The following FAM107A variants were observed in gnomAD, a reference collection of about 807,000 sequenced individuals.
FAM107A encodes the protein family with sequence similarity 107 member A.
In FAM107A, 19 loss-of-function variants were observed where a neutral mutation model predicts 13.7. The ratio of observed to expected loss-of-function variants is 1.38; its 90% CI spans 0.97 to 2.03. The LOEUF is 2.03. Among genes scored for constraint, FAM107A ranks in the 30% most tolerant of loss-of-function variants. The pLI is 0.00. For synonymous variants in FAM107A, 82 were observed against 74.5 expected, an observed-to-expected ratio of 1.10 and a Z score of -0.52; for missense variants, 203 against 184.4, an observed-to-expected ratio of 1.10 and a Z score of -0.58.
At chr3:58,580,584 T>A (rs1276177130), upstream of FAM107A, among the ~76,000 whole-genome samples, 1 of 151,838 alleles carries the variant, frequency 6.6e-6, no homozygotes, top group Non-Finnish European at 1.5e-5. Flanking sequence ...CCAGCTAATT[T>A]TTTATTTTTT....
rs758415230 is a variant in FAM107A, at chr3:58,569,819, G to A, written c.42C>T (p.Gly14=). 14 of 1,613,990 alleles carry A rather than the reference G, an allele frequency of 8.7e-6. No homozygotes were observed. In the South Asian group the frequency reaches 1.4e-4, roughly 16 times the overall value. Residue 14 remains glycine (G), a synonymous_variant, in exon 2 of 4, where the codon GGC becomes GGT. Coordinates refer to ENST00000360997, the MANE Select transcript of FAM107A (RefSeq NM_001076778.3). This position sits in a 1 kb window ranked among gnomAD's most constrained non-coding sequence, Gnocchi z 5.7. ...CTCTGTATTCTGGCCGGGCCATCAG[G>A]CCCCCAATGTCTGCCCGCTCCCTCT... The part of the protein sequence containing the change: ...EIQRERADIG[G]LMARPEYREW...
At chr3:58,593,944 AC>A (rs2108066676) in intron 1 of FAM107A, among the ~76,000 whole-genome samples, 1 of 152,012 alleles carries the variant, frequency 6.6e-6, no homozygotes, top group South Asian at 2.1e-4. Flanking sequence ...TACTTACGGC[AC>A]CTTTCTCCTT....
chr3:58,626,568 C>A (rs527705689), intron 1 of FAM107A, among the ~76,000 whole-genome samples: 1 of 152,272 alleles, frequency 6.6e-6, no homozygotes, highest in South Asian at 2.1e-4. Context: ...AATAACTTGC[C>A]TATTGCCCTA....
chr3:58,620,387 G>C (rs1364983130), intron 1 of FAM107A, among the ~76,000 whole-genome samples: 1 of 152,198 alleles, frequency 6.6e-6, no homozygotes, highest in Admixed American at 6.5e-5. Context: ...ATGCACATGC[G>C]GTTCTGAGAC....
Position 58,569,739 on chromosome 3 carries a change from G to T in FAM107A, c.122C>A (p.Ser41Tyr). ...PKKLLNPVKA[S>Y]RSHQELHREL... ...CCGGTGGAGCTCCTGGTGACTCCGAGAGGCCTTCACGGGGTTCAGCAGCTT... is the reference window on the plus strand; with the variant it reads ...CCGGTGGAGCTCCTGGTGACTCCGATAGGCCTTCACGGGGTTCAGCAGCTT... The change falls in exon 2 of 4, where the codon TCT (serine) becomes TAT (tyrosine). Residue 41 changes from serine to tyrosine, a missense_variant. By Grantham distance (144) the Ser-to-Tyr change is moderately radical. Transcript: ENST00000360997. The surrounding 1 kb of genome is among the most constrained non-coding windows in gnomAD (Gnocchi z 5.7). The T allele has an allele frequency of 6.2e-7, 1 of 1,614,084 alleles. No individual in the cohort carries two copies.
rs541565646 is a variant in FAM107A at position 58,617,958 on chromosome 3, C to G, written c.-70+9458G>C. Reference sequence around the variant, plus strand: ...CCAAGTTCAAGTCCCAGCTCTGGCACTTGTTGGCTCTGTGATCTTGAGACG... The same window carrying G: ...CCAAGTTCAAGTCCCAGCTCTGGCAGTTGTTGGCTCTGTGATCTTGAGACG... On this transcript the variant is annotated intron_variant, in intron 1 of 3. Transcript: ENST00000465970. The surrounding 1 kb of genome is among the most constrained non-coding windows in gnomAD (Gnocchi z 4.5). 7.9e-4 allele frequency among the ~76,000 whole-genome samples: 121 copies of G among 152,296 alleles called. No homozygotes were observed. The highest frequency in any genetic ancestry group is 1.6e-3 in the Non-Finnish European group (107 of 68,034).
intron 1 of FAM107A, among the ~76,000 whole-genome samples, chr3:58,576,138 G>A (rs2063728863): frequency 6.6e-6 from 1 of 152,218 alleles, no homozygotes; most frequent in Non-Finnish European, 1.5e-5. Context: ...AAAGAACAGT[G>A]TATCTCGGAG....
chr3:58,615,373 CCTT>C (rs55906812), intron 1 of FAM107A, among the ~76,000 whole-genome samples: 50,588 of 151,834 alleles, frequency 0.33, 9,040 homozygotes, highest in East Asian at 0.46. Flanking sequence ...AAAACTATAA[CCTT>C]CTTCTTAAGG....
At chr3:58,602,533 T>C (rs1000237139) in intron 1 of FAM107A, among the ~76,000 whole-genome samples, 1 of 152,174 alleles carries the variant, frequency 6.6e-6, no homozygotes, top group African/African-American at 2.4e-5. Flanking sequence ...TTCAAGATAA[T>C]AAAAAGATCG....
chr3:58,612,504 A>G (rs2065864172), intron 1 of FAM107A, among the ~76,000 whole-genome samples: 1 of 151,414 alleles, frequency 6.6e-6, no homozygotes, highest in Non-Finnish European at 1.5e-5. Flanking sequence ...CACTTGAGCC[A>G]GGGAGGTCGA....
chr3:58,626,994 T>A, intron 1 of FAM107A: 1 of 1,536,016 alleles, frequency 6.5e-7, no homozygotes, highest in Non-Finnish European at 8.7e-7. Flanking sequence ...GCTGCTCCCA[T>A]GGCACGAAGT....
chr3:58,566,417 G>C lies in FAM107A; in HGVS notation c.*171C>G, dbSNP rs1405388578. 6.8e-6 allele frequency: 4 copies of C among 586,312 alleles called. No homozygotes were observed. The highest frequency in any genetic ancestry group is 1.2e-5 in the Non-Finnish European group (4 of 334,234). 36.3% of individuals were successfully genotyped at this position (586,312 alleles called of 1,614,324 possible). On this transcript the variant is annotated 3_prime_UTR_variant, in exon 4 of 4. Coordinates refer to ENST00000360997, the MANE Select transcript of FAM107A (RefSeq NM_001076778.3). Reference sequence around the variant, plus strand: ...GGAAGGAAAACCTAGGAGCTTAGGGGCCCCAGCCTCCCAGGGAGAGCCAGG... The same window carrying C: ...GGAAGGAAAACCTAGGAGCTTAGGGCCCCCAGCCTCCCAGGGAGAGCCAGG...
chr3:58,564,304 G>C lies in FAM107A; in HGVS notation c.*2284C>G, dbSNP rs1343623681. 6.6e-6 allele frequency: 1 copy of C among 152,252 alleles called. No individual in the cohort carries two copies. The highest frequency in any genetic ancestry group is 1.5e-5 in the Non-Finnish European group (1 of 68,064). The allele number at this position is 152,252 out of a possible 1,614,324, so 9.4% of individuals were successfully genotyped here. A position where few individuals can be genotyped will look rare whatever the true frequency, so the allele number is the denominator to read the frequency against. On this transcript the variant is annotated 3_prime_UTR_variant, in exon 4 of 4. Coordinates refer to ENST00000360997, the MANE Select transcript of FAM107A (RefSeq NM_001076778.3). This position sits in a 1 kb window ranked among gnomAD's most constrained non-coding sequence, Gnocchi z 5.6. ...AATCAAGGTAGGAAGAAGAGGCCCA[G>C]GGAGGTGTTAGCCATGCCTGTGTCT...
chr3:58,591,800 T>C (rs2065656735), upstream of FAM107A, among the ~76,000 whole-genome samples: 1 of 152,202 alleles, frequency 6.6e-6, no homozygotes, highest in Non-Finnish European at 1.5e-5. This position sits in a 1 kb window ranked among gnomAD's most constrained non-coding sequence, Gnocchi z 4.3. Context: ...GAAGAGGGAT[T>C]GGGTTCTATT....
intron 1 of FAM107A, among the ~76,000 whole-genome samples, chr3:58,583,045 T>C (rs2065565885): frequency 6.6e-6 from 1 of 152,104 alleles, no homozygotes; most frequent in Non-Finnish European, 1.5e-5. Context: ...GTGATCCACC[T>C]GCCTTGGCCT....
chr3:58,604,799 T>C lies in FAM107A; in HGVS notation c.-69-15530A>G, dbSNP rs1403300468. 6.6e-6 allele frequency among the ~76,000 whole-genome samples: 1 copy of C among 152,212 alleles called. No homozygotes were observed. The highest frequency in any genetic ancestry group is 1.5e-5 in the Non-Finnish European group (1 of 68,040). On this transcript the variant is annotated intron_variant, in intron 1 of 3. Transcript: ENST00000465970. This position sits in a 1 kb window ranked among gnomAD's most constrained non-coding sequence, Gnocchi z 4.1. ...AGACCATCTTGGAGTTAGTTTCTAT[T>C]GGCTGCTTTTTTCTTGACTAAGGAT... is the stretch of plus-strand genomic sequence containing the variant.
At chr3:58,582,478 C>T (rs1490129722), upstream of FAM107A, among the ~76,000 whole-genome samples, 1 of 152,224 alleles carries the variant, frequency 6.6e-6, no homozygotes, top group Non-Finnish European at 1.5e-5. Flanking sequence ...CAGGTTAACG[C>T]CCCTCAAGTG....
chr3:58,593,632 C>A (rs755920401), intron 1 of FAM107A, among the ~76,000 whole-genome samples: 5 of 151,626 alleles, frequency 3.3e-5, no homozygotes, highest in African/African-American at 1.2e-4. Flanking sequence ...GTTCTCCAGT[C>A]GCTCCCTACC....
At chr3:58,568,684 CTG>C (rs761596819) in intron 2 of FAM107A, among the ~76,000 whole-genome samples, 79 of 152,262 alleles carry the variant, frequency 5.2e-4, no homozygotes, top group Admixed American at 1.2e-3. Context: ...AAAATGATAA[CTG>C]TTAGGATATT....
Sources: gnomAD v4.1 joint callset for allele counts (sites outside exome capture counted in the v4.1 genomes callset) on GRCh38, gnomAD v4.1.1 for gene constraint, Gnocchi (gnomAD v3.1) non-coding constraint, MANE v1.5 for transcripts, NCBI Gene and HGNC (gene_info 2026-07-23, HGNC 2026-07-21) for gene names.